Variants in ACAT2 observed in about 807,000 individuals in gnomAD.
ACAT2 encodes the protein acetyl-CoA acetyltransferase 2, also known as acetyl-CoA acetyltransferase, cytosolic.
ACAT2 carries 26 observed loss-of-function variants against 37.1 expected under a neutral mutation model. That is an observed-to-expected ratio of 0.70 (90% CI 0.51 to 0.97). The LOEUF (loss-of-function observed/expected upper bound fraction) is 0.97. Among genes scored for constraint, ACAT2 ranks in the 50% least tolerant of loss-of-function variants. ACAT2 has a pLI of 0.00. For synonymous variants in ACAT2, 156 were observed against 163.6 expected, an observed-to-expected ratio of 0.95 and a Z score of 0.35; for missense variants, 468 against 489.0, an observed-to-expected ratio of 0.96 and a Z score of 0.40.
At chr6:159,764,323 C>T (rs1257024485) in intron 2 of ACAT2, among the ~76,000 whole-genome samples, 2 of 152,162 alleles carry the variant, frequency 1.3e-5, no homozygotes, top group Non-Finnish European at 2.9e-5. Flanking sequence ...ATAGGTGCCA[C>T]ATCATGCCCC....
rs947965039 is a variant in ACAT2 at position 159,777,297 on chromosome 6, T to C, written c.758-5T>C. 1.9e-6 allele frequency: 3 copies of C among 1,609,436 alleles called. No homozygotes were observed. In the African/African-American group the frequency reaches 4.0e-5, roughly 22 times the overall value. On this transcript the variant is annotated splice_polypyrimidine_tract_variant and splice_region_variant and intron_variant, in intron 6 of 8. Transcript: ENST00000367048. The stretch of plus-strand genomic sequence containing the variant: ...GGTAGAAATTAAGTCACTCATATTT[T>C]ACAGGAATAAATGATGGTGCTGCAG...
At chr6:159,774,366 A>G (rs1218562386) in intron 4 of ACAT2, among the ~76,000 whole-genome samples, 1 of 152,258 alleles carries the variant, frequency 6.6e-6, no homozygotes, top group Admixed American at 6.5e-5. Context: ...TAAAGGAGCT[A>G]GAAGGACATT....
chr6:159,778,930 T>C lies in ACAT2; in HGVS notation c.*101T>C. 2 of 1,567,752 alleles carry C rather than the reference T, an allele frequency of 1.3e-6. No individual in the cohort carries two copies. Among genetic ancestry groups the C allele is most frequent in the Non-Finnish European group, 8.7e-7 (1 of 1,152,408 alleles). The stretch of plus-strand genomic sequence containing the variant: ...GACCAAAGTACAGATGGAAACCATT[T>C]CCTACATCACAAAAACCCAAGTTTA... On this transcript the variant is annotated 3_prime_UTR_variant, in exon 9 of 9. Coordinates refer to ENST00000367048, the MANE Select transcript of ACAT2 (RefSeq NM_005891.3).
At chr6:159,778,413 T>C (rs995041864) in intron 8 of ACAT2, 133 bp downstream of exon 8, 4 of 550,676 alleles carry the variant, frequency 7.3e-6, no homozygotes, top group Non-Finnish European at 5.8e-6. Flanking sequence ...AGTTCATTAC[T>C]TCCCAAGGTT....
At chr6:159,771,907 A>G (rs1780343065) in intron 4 of ACAT2, among the ~76,000 whole-genome samples, 1 of 151,764 alleles carries the variant, frequency 6.6e-6, no homozygotes, top group Non-Finnish European at 1.5e-5. Flanking sequence ...TAACATAGTG[A>G]CACAACAACA....
chr6:159,765,685 C>G (rs200975439), intron 2 of ACAT2, among the ~76,000 whole-genome samples: 34,575 of 149,240 alleles, frequency 0.23, 4,214 homozygotes, highest in East Asian at 0.42. Context: ...GCCCCCCTCC[C>G]CCGGCCTCCC....
chr6:159,772,826 AAAG>A (rs1780358692), intron 4 of ACAT2, among the ~76,000 whole-genome samples: 1 of 151,846 alleles, frequency 6.6e-6, no homozygotes, highest in African/African-American at 2.4e-5. Context: ...AAAAAAAAAG[AAAG>A]AAAAACAGCT....
intron 8 of ACAT2, 134 bp from the exon 9 acceptor site, chr6:159,778,525 T>C: frequency 9.9e-7 from 1 of 1,010,312 alleles, no homozygotes. Context: ...GTAAATTTAT[T>C]CCTAAGCAGT....
intron 5 of ACAT2, 90 bp downstream of exon 5, chr6:159,775,403 T>C: frequency 7.0e-7 from 1 of 1,433,026 alleles, no homozygotes; most frequent in Non-Finnish European, 9.5e-7. Flanking sequence ...TTAGAAATTA[T>C]ATCTTAGTTA....
intron 2 of ACAT2, among the ~76,000 whole-genome samples, chr6:159,763,629 C>CTT (rs765044833): frequency 0.012 from 925 of 76,416 alleles, 179 homozygotes; most frequent in African/African-American, 0.044. Flanking sequence ...TTTTCTTTTC[C>CTT]TTTTTTTTTT....
intron 6 of ACAT2, among the ~76,000 whole-genome samples, chr6:159,776,820 ACT>A (rs1444258195): frequency 7.3e-5 from 11 of 151,494 alleles, no homozygotes; most frequent in Non-Finnish European, 1.5e-4. Flanking sequence ...ACGGAGCCTC[ACT>A]CTGTCGCCCA....
intron 4 of ACAT2, among the ~76,000 whole-genome samples, chr6:159,772,227 C>CTAAA (rs1220113314): frequency 1.3e-5 from 2 of 151,874 alleles, no homozygotes; most frequent in African/African-American, 4.8e-5. Flanking sequence ...AACTCCATCT[C>CTAAA]TAAATAAATA....
intron 4 of ACAT2, 94 bp from the exon 5 acceptor site, chr6:159,775,076 G>T: frequency 7.2e-7 from 1 of 1,395,346 alleles, no homozygotes; most frequent in African/African-American, 1.4e-5. Flanking sequence ...TAGCATATGT[G>T]GTCAGTCAGT....
At chr6:159,778,477 A>G (rs1028092748) in intron 8 of ACAT2, 182 bp from the exon 9 acceptor site, 1 of 740,542 alleles carries the variant, frequency 1.4e-6, no homozygotes, top group Non-Finnish European at 2.1e-6. Flanking sequence ...CATAAAAGGA[A>G]CGAGGTAAGA....
chr6:159,764,546 G>A (rs140718101), intron 2 of ACAT2, among the ~76,000 whole-genome samples: 15 of 152,160 alleles, frequency 9.9e-5, no homozygotes, highest in African/African-American at 3.1e-4. Flanking sequence ...TGGGCTCCAC[G>A]GTATCCTCCC....
chr6:159,776,897 T>C (rs1299667176), intron 6 of ACAT2, among the ~76,000 whole-genome samples: 2 of 152,068 alleles, frequency 1.3e-5, no homozygotes, highest in Non-Finnish European at 2.9e-5. Context: ...CAAGCAATTC[T>C]CCTGTCTCAG....
chr6:159,771,569 A>G (rs1405671284), intron 4 of ACAT2, among the ~76,000 whole-genome samples: 1 of 151,742 alleles, frequency 6.6e-6, no homozygotes, highest in Non-Finnish European at 1.5e-5. Context: ...GAAAAATTAC[A>G]CCTTAGCAAA....
intron 4 of ACAT2, among the ~76,000 whole-genome samples, chr6:159,770,656 G>GA (rs908819189): frequency 3.3e-5 from 5 of 150,830 alleles, no homozygotes; most frequent in South Asian, 2.1e-4. Flanking sequence ...TAAAAAAAAA[G>GA]AAAAAAAAAT....
At chr6:159,770,637 C>T (rs1780320392) in intron 4 of ACAT2, among the ~76,000 whole-genome samples, 3 of 151,324 alleles carry the variant, frequency 2.0e-5, no homozygotes, top group Middle Eastern at 3.4e-3. Flanking sequence ...CATAGTTAGA[C>T]CTCATCTCTA....
Sources: gnomAD v4.1 joint callset for allele counts (sites outside exome capture counted in the v4.1 genomes callset) on GRCh38, gnomAD v4.1.1 for gene constraint, MANE v1.5 for transcripts, NCBI Gene and HGNC (gene_info 2026-07-23, HGNC 2026-07-21) for gene names.